The following RTEL1 variants were observed in gnomAD, a reference collection of about 807,000 sequenced individuals.
RTEL1 encodes regulator of telomere length.
Under a neutral mutation model 162.2 loss-of-function variants are expected in RTEL1, and 86 were observed. That is an observed-to-expected ratio of 0.53 (90% CI 0.45 to 0.63). The LOEUF (loss-of-function observed/expected upper bound fraction) is 0.63. RTEL1 is among the 30% of genes least tolerant of loss of function. The pLI is 0.00. For synonymous variants in RTEL1, 958 were observed against 717.9 expected (o/e 1.33, Z -5.35); for missense variants, 1,941 against 1,750.2 (o/e 1.11, Z -1.95).
In RTEL1 at chr20:63,685,778, C is replaced by G; in HGVS notation, c.1267-13C>G. 2 of 1,610,610 alleles carry G rather than the reference C, an allele frequency of 1.2e-6. No homozygotes were observed. Among genetic ancestry groups the G allele is most frequent in the Non-Finnish European group, 1.7e-6 (2 of 1,178,952 alleles). On this transcript the variant is annotated splice_polypyrimidine_tract_variant and intron_variant, in intron 15 of 34. Coordinates refer to ENST00000360203, the MANE Select transcript of RTEL1 (RefSeq NM_001283009.2). ...GGGCGGGGCCTCCACACTCCTGGTC[C>G]TGTCCCCTCCAGGTGCACATCCATC...
chr20:63,695,669 C>G lies in RTEL1; in HGVS notation c.3822+19C>G. 1 of 1,610,912 alleles carries G rather than the reference C, an allele frequency of 6.2e-7. No individual in the cohort carries two copies. Among genetic ancestry groups the G allele is most frequent in the African/African-American group, 1.3e-5 (1 of 75,054 alleles). On this transcript the variant is annotated intron_variant, in intron 34 of 34. Transcript: ENST00000360203. ...CCTTCAGGTTGGTGCCTGGCCACTA[C>G]AGTTCCTGCTGGGTGTAGCCCCAGG...
intron 6 of RTEL1, among the ~76,000 whole-genome samples, chr20:63,664,211 G>GA (rs1305228135): frequency 6.6e-6 from 1 of 152,196 alleles, no homozygotes; most frequent in African/African-American, 2.4e-5. Context: ...GGGACGGGGG[G>GA]TTGGGCAGAT....
chr20:63,661,456 A>G lies in RTEL1; in HGVS notation c.261A>G (p.Ser87=), dbSNP rs2090018874. ...QGELFPDRAL[S]SWGNAAAAAG... Reference sequence around the variant, plus strand: ...AGCTTTTCCCGGATCGGGCCTTGTCATCCTGGGGCAACGCTGCTGCTGCTG... The same window carrying G: ...AGCTTTTCCCGGATCGGGCCTTGTCGTCCTGGGGCAACGCTGCTGCTGCTG... Residue 87 remains serine, a synonymous_variant, in exon 3 of 35, where the codon TCA becomes TCG. Transcript: ENST00000360203. This position sits in a 1 kb window ranked among gnomAD's most constrained non-coding sequence, Gnocchi z 5.1. 1.2e-6 allele frequency: 2 copies of G among 1,613,008 alleles called. No homozygotes were observed. The highest frequency in any genetic ancestry group is 1.3e-5 in the African/African-American group (1 of 74,912).
intron 14 of RTEL1, among the ~76,000 whole-genome samples, chr20:63,683,738 G>A (rs907983111): frequency 2.0e-5 from 3 of 152,152 alleles, no homozygotes; most frequent in South Asian, 2.1e-4. Flanking sequence ...GGGGCTTTGC[G>A]TTCCTGTTCT....
At chr20:63,678,424 G>A in intron 12 of RTEL1, 78 bp downstream of exon 12, 1 of 1,360,100 alleles carries the variant, frequency 7.4e-7, no homozygotes, top group Non-Finnish European at 1.0e-6. Context: ...GTCCTGGGCT[G>A]TCACATCACG....
chr20:63,678,645 C>A (rs560076522), intron 12 of RTEL1, among the ~76,000 whole-genome samples: 3 of 144,172 alleles, frequency 2.1e-5, no homozygotes, highest in East Asian at 4.1e-4. Context: ...ACACACACTC[C>A]CACGGAACAG....
At position 63,692,817 on chromosome 20, in the gene RTEL1, G is replaced by C. The variant is rs930464846; in HGVS notation, c.2665G>C (p.Ala889Pro). 6.2e-7 allele frequency: 1 copy of C among 1,611,170 alleles called. No homozygotes were observed. The highest frequency in any genetic ancestry group is 1.1e-5 in the South Asian group (1 of 91,058). The change falls in exon 29 of 35, where the codon GCT becomes CCT. Residue 889 changes from alanine (A) to proline (P), a missense_variant. Ala to Pro is a conservative substitution (Grantham distance 27). Transcript: ENST00000360203. ...CTGTGTCCTGCAGGAGGAGCCCGTG[G>C]CTGGTGCACAGACGGACAGGGCCAA... Reference protein sequence around the residue: ...RLVSHPEEPVAGAQTDRAKLF... With the variant: ...RLVSHPEEPVPGAQTDRAKLF...
chr20:63,665,371 C>T lies in RTEL1; in HGVS notation c.539-633C>T, dbSNP rs139554565. On this transcript the variant is annotated intron_variant, in intron 6 of 34. Transcript: ENST00000360203. ...GTGGTTCCAGTTTGGGGGGCCTGTA[C>T]TGTAGAGGCAAGGGAGGGGCAGGAC... is the stretch of plus-strand genomic sequence containing the variant. 6.0e-3 allele frequency: 917 copies of T among 152,974 alleles called. 8 individuals carry two copies. Among genetic ancestry groups the T allele is most frequent in the Non-Finnish European group, 8.5e-3 (586 of 68,544 alleles). 9.5% of individuals were successfully genotyped at this position (152,974 alleles called of 1,614,324 possible).
In RTEL1 at chr20:63,695,330, C is replaced by T. The variant is rs368747623; in HGVS notation, c.3502C>T (p.Pro1168Ser). The T allele has an allele frequency of 3.2e-6, 5 of 1,559,812 alleles. No homozygotes were observed. Among genetic ancestry groups the T allele is most frequent in the African/African-American group, 1.4e-5 (1 of 73,538 alleles). ...VLTHRAPQPG[P>S]SRSEKTGKTQ... ...CAGACTCAAGTCTCTGTCTCCAGGC[C>T]CCTCACGGTCCGAGAAGACCGGGAA... The change falls in exon 34 of 35, where the codon CCC becomes TCC. Residue 1168 changes from proline to serine, a missense_variant and splice_region_variant. Coordinates refer to ENST00000360203, the MANE Select transcript of RTEL1 (RefSeq NM_001283009.2).
In RTEL1 at chr20:63,690,801, G is replaced by A; in HGVS notation, c.2414-4G>A. The A allele has an allele frequency of 1.2e-6, 2 of 1,601,564 alleles. No individual in the cohort carries two copies. Among genetic ancestry groups the A allele is most frequent in the Non-Finnish European group, 1.7e-6 (2 of 1,176,024 alleles). ...CTTCACTGCGCACTCGGGTGCCCCT[G>A]CAGGGTCACCAGCTGCCGGGGACCC... On this transcript the variant is annotated splice_polypyrimidine_tract_variant and splice_region_variant and intron_variant, in intron 26 of 34. Coordinates refer to ENST00000360203, the MANE Select transcript of RTEL1 (RefSeq NM_001283009.2).
chr20:63,694,296 C>T (rs1251409649), intron 30 of RTEL1, 76 bp from the exon 31 acceptor site: 2 of 1,064,758 alleles, frequency 1.9e-6, no homozygotes, highest in Non-Finnish European at 1.5e-6. Context: ...GCCTCCCTAG[C>T]CAGCCCTGCC....
At chr20:63,667,056 G>A (rs1010626092) in intron 7 of RTEL1, among the ~76,000 whole-genome samples, 6 of 151,594 alleles carry the variant, frequency 4.0e-5, no homozygotes, top group African/African-American at 7.3e-5. Context: ...AGCCAGGATG[G>A]TCTCGATCTT....
chr20:63,687,292 G>A lies in RTEL1; in HGVS notation c.1349-346G>A, dbSNP rs549681672. The A allele has an allele frequency of 1.4e-4, 36 of 248,462 alleles. No homozygotes were observed. In the South Asian group the frequency reaches 1.5e-3, roughly 11 times the overall value. 15.4% of individuals were successfully genotyped at this position (248,462 alleles called of 1,614,324 possible). A position where few individuals can be genotyped will look rare whatever the true frequency, so the allele number is the denominator to read the frequency against. On this transcript the variant is annotated intron_variant, in intron 16 of 34. Transcript: ENST00000360203. ...GTCGGGATGCCGGCGCTTCCTTCCC[G>A]TGTGCTCTTGGCGGGGTGGGCTTCT...
intron 7 of RTEL1, among the ~76,000 whole-genome samples, chr20:63,667,071 C>T (rs955254042): frequency 5.4e-5 from 8 of 148,108 alleles, no homozygotes; most frequent in East Asian, 2.0e-4. Flanking sequence ...GATCTTCTGA[C>T]CTTGTGATCC....
At position 63,688,037 on chromosome 20, in the gene RTEL1, G is replaced by C. The variant is rs149952845; in HGVS notation, c.1582G>C (p.Ala528Pro). 1 of 1,612,696 alleles carries C rather than the reference G, an allele frequency of 6.2e-7. No homozygotes were observed. The highest frequency in any genetic ancestry group is 1.1e-5 in the South Asian group (1 of 91,086). Residue 528 changes from alanine (A) to proline (P), a missense_variant, in exon 18 of 35, where the codon GCG becomes CCG. Physicochemically the swap from Ala to Pro is conservative, Grantham distance 27. Coordinates refer to ENST00000360203, the MANE Select transcript of RTEL1 (RefSeq NM_001283009.2). ...RGPDGAQLSS[A>P]FDRRFSEECL... Reference sequence around the variant, plus strand: ...CCCCGATGGAGCCCAGTTGAGCTCCGCGTTTGACAGACGGTGAGGGCCTGT... The same window carrying C: ...CCCCGATGGAGCCCAGTTGAGCTCCCCGTTTGACAGACGGTGAGGGCCTGT...
intron 26 of RTEL1, 80 bp from the exon 27 acceptor site, chr20:63,690,725 C>A: frequency 6.8e-7 from 1 of 1,473,396 alleles, no homozygotes; most frequent in Non-Finnish European, 9.1e-7. Context: ...GGACTCTCCC[C>A]CAAGAGGGGC....
chr20:63,658,342 C>G lies in RTEL1; in HGVS notation c.-295C>G, dbSNP rs1244335631. ...TGCAGTGGGCTCAGCGCCGACTGCG[C>G]GCCTCTGCCCGCGAAAACTCTGAGC... On this transcript the variant is annotated 5_prime_UTR_variant, in exon 1 of 35. Coordinates refer to ENST00000360203, the MANE Select transcript of RTEL1 (RefSeq NM_001283009.2). 6.6e-6 allele frequency: 1 copy of G among 152,394 alleles called. No homozygotes were observed. The highest frequency in any genetic ancestry group is 2.4e-5 in the African/African-American group (1 of 41,460). 9.4% of individuals were successfully genotyped at this position (152,394 alleles called of 1,614,324 possible).
chr20:63,672,726 TAGGTGCCC>T (rs1382649652), intron 9 of RTEL1, 105 bp downstream of exon 9: 1 of 950,926 alleles, frequency 1.1e-6, no homozygotes, highest in East Asian at 2.6e-5. Flanking sequence ...CCTGAAGCCC[TAGGTGCCC>T]AGGACTGGGG....
chr20:63,685,580 G>T lies in RTEL1; in HGVS notation c.1249G>T (p.Ala417Ser). The T allele has an allele frequency of 1.2e-6, 2 of 1,611,974 alleles. No individual in the cohort carries two copies. The highest frequency in any genetic ancestry group is 1.7e-5 in the Admixed American group (1 of 59,930). ...GSPGSPAGLG[A>S]LQSYKVHIHP... ...CCCTGGTTCCCCAGCAGGGCTGGGG[G>T]CCTTACAGTCCTATAAGGTAGGGGC... Residue 417 changes from alanine (A) to serine (S), a missense_variant, in exon 15 of 35, where the codon GCC (alanine) becomes TCC (serine). Transcript: ENST00000360203.
Sources: gnomAD v4.1 joint callset for allele counts (sites outside exome capture counted in the v4.1 genomes callset) on GRCh38, gnomAD v4.1.1 for gene constraint, Gnocchi (gnomAD v3.1) non-coding constraint, MANE v1.5 for transcripts, NCBI Gene and HGNC (gene_info 2026-07-23, HGNC 2026-07-21) for gene names.